The following TRERF1 variants were observed in gnomAD, a reference collection of about 807,000 sequenced individuals.
TRERF1 encodes the protein transcriptional regulating factor 1, also known as transcriptional-regulating factor 1.
TRERF1 carries 27 observed loss-of-function variants against 122.9 expected under a neutral mutation model. The ratio of observed to expected loss-of-function variants is 0.22; its 90% CI spans 0.16 to 0.30. TRERF1 has a LOEUF of 0.30. Ranked by LOEUF, TRERF1 falls within the 10% of genes least tolerant of loss-of-function variation. The probability of loss-of-function intolerance (pLI) is 1.00; values close to 1 mark genes in which losing one functional copy is unlikely to be tolerated. For synonymous variants in TRERF1, 636 were observed against 641.7 expected (o/e 0.99, Z 0.13); for missense variants, 1,248 against 1,560.3 (o/e 0.80, Z 3.37).
At chr6:42,337,196 G>A (rs56405937) in intron 3 of TRERF1, among the ~76,000 whole-genome samples, 5,611 of 152,230 alleles carry the variant, frequency 0.037, 264 homozygotes, top group East Asian at 0.19. Flanking sequence ...GTCAGGGAAG[G>A]ACAATGGGTA....
intron 2 of TRERF1, among the ~76,000 whole-genome samples, chr6:42,387,794 T>TTTTTATTTTATTTTA (rs539342079): frequency 4.6e-4 from 69 of 151,170 alleles, no homozygotes; most frequent in South Asian, 6.3e-4. Context: ...GATGCTACCT[T>TTTTTATTTTATTTTA]TTTTATTTTA....
intron 4 of TRERF1, among the ~76,000 whole-genome samples, chr6:42,300,354 T>A (rs923621499): frequency 6.6e-6 from 1 of 152,156 alleles, no homozygotes; most frequent in Non-Finnish European, 1.5e-5. Flanking sequence ...GGATACCCCA[T>A]CCTGTAAGAC....
At chr6:42,390,205 C>A (rs1278096225) in intron 2 of TRERF1, among the ~76,000 whole-genome samples, 1 of 152,168 alleles carries the variant, frequency 6.6e-6, no homozygotes, top group Non-Finnish European at 1.5e-5. Context: ...ACAAGAGGCA[C>A]AATTTAAATA....
chr6:42,445,130 G>A (rs985205184), intron 2 of TRERF1, among the ~76,000 whole-genome samples: 4 of 152,084 alleles, frequency 2.6e-5, no homozygotes, highest in Admixed American at 2.0e-4. Context: ...CCAGCCAGGC[G>A]TGGTGACACA....
intron 4 of TRERF1, among the ~76,000 whole-genome samples, chr6:42,277,995 G>T (rs573469069): frequency 2.0e-5 from 3 of 150,990 alleles, no homozygotes; most frequent in African/African-American, 7.3e-5. Context: ...GAAGACAGGA[G>T]CCCTGGGCTT....
chr6:42,351,084 AC>A (rs1769351101), intron 3 of TRERF1, among the ~76,000 whole-genome samples: 2 of 152,216 alleles, frequency 1.3e-5, no homozygotes, highest in Admixed American at 1.3e-4. Context: ...GCAAACTGAA[AC>A]AACACGATAC....
At chr6:42,322,082 C>G (rs1489146066) in intron 3 of TRERF1, among the ~76,000 whole-genome samples, 1 of 152,158 alleles carries the variant, frequency 6.6e-6, no homozygotes, top group African/African-American at 2.4e-5. Flanking sequence ...AACGCAAATA[C>G]TGCCATTTTA....
At chr6:42,226,808 G>C (rs537424256) in exon 18 of TRERF1, 2 of 152,388 alleles carry the variant, frequency 1.3e-5, no homozygotes, top group African/African-American at 4.8e-5. Context: ...TGTCAGCAAA[G>C]TGGCCCAGCG....
intron 4 of TRERF1, among the ~76,000 whole-genome samples, chr6:42,281,137 G>T (rs976016889): frequency 6.6e-6 from 1 of 152,108 alleles, no homozygotes; most frequent in Non-Finnish European, 1.5e-5. Context: ...AAACCTGTCT[G>T]GACTTGCTCA....
intron 3 of TRERF1, among the ~76,000 whole-genome samples, chr6:42,345,961 T>C (rs1768194750): frequency 1.3e-5 from 2 of 152,226 alleles, no homozygotes; most frequent in Non-Finnish European, 2.9e-5. Context: ...GGGCAGGTGC[T>C]ATGAGGTGGA....
intron 16 of TRERF1, among the ~76,000 whole-genome samples, chr6:42,235,057 T>C (rs1562109532): frequency 6.6e-6 from 1 of 152,158 alleles, no homozygotes; most frequent in Non-Finnish European, 1.5e-5. Context: ...CTCTTCAAAG[T>C]GAATGCAAAA....
chr6:42,273,323 A>G (rs772369986), intron 4 of TRERF1, among the ~76,000 whole-genome samples: 1 of 152,188 alleles, frequency 6.6e-6, no homozygotes, highest in Non-Finnish European at 1.5e-5. Context: ...CATAATGCCC[A>G]GCACACTGTA....
At chr6:42,433,647 C>A (rs926957146) in intron 2 of TRERF1, among the ~76,000 whole-genome samples, 1 of 152,034 alleles carries the variant, frequency 6.6e-6, no homozygotes, top group Non-Finnish European at 1.5e-5. Context: ...GAAATAGGAC[C>A]AAACCAACAA....
intron 2 of TRERF1, among the ~76,000 whole-genome samples, chr6:42,440,543 C>T (rs577180751): frequency 1.6e-4 from 25 of 152,238 alleles, no homozygotes; most frequent in African/African-American, 5.3e-4. Context: ...ACTACTAAAG[C>T]GATCTGGAGC....
intron 4 of TRERF1, among the ~76,000 whole-genome samples, chr6:42,294,655 C>G (rs1784808334): frequency 1.3e-5 from 2 of 152,112 alleles, no homozygotes; most frequent in East Asian, 3.9e-4. Context: ...GCTCTTTAAG[C>G]ACAGGAGCTC....
intron 2 of TRERF1, among the ~76,000 whole-genome samples, chr6:42,405,804 A>AT (rs1442654726): frequency 2.0e-5 from 3 of 150,358 alleles, no homozygotes; most frequent in African/African-American, 4.9e-5. Flanking sequence ...CAAAAAAAAA[A>AT]AAATTAAAAA....
chr6:42,231,381 A>G (rs913823816), intron 17 of TRERF1, among the ~76,000 whole-genome samples: 2 of 152,218 alleles, frequency 1.3e-5, no homozygotes, highest in Admixed American at 1.3e-4. Context: ...ACAGACTAAA[A>G]CATGTAAAGA....
chr6:42,377,024 A>T (rs1775009838), intron 2 of TRERF1, among the ~76,000 whole-genome samples: 1 of 149,908 alleles, frequency 6.7e-6, no homozygotes, highest in African/African-American at 2.5e-5. Context: ...AGCCACCATG[A>T]CCGGCTAATT....
At chr6:42,416,681 C>T (rs534257730) in intron 2 of TRERF1, among the ~76,000 whole-genome samples, 2 of 152,240 alleles carry the variant, frequency 1.3e-5, no homozygotes, top group East Asian at 1.9e-4. Flanking sequence ...TTTTGTTACA[C>T]TAGCTTCATA....
Sources: allele counts gnomAD v4.1 joint callset (sites outside exome capture counted in the v4.1 genomes callset), GRCh38; gene constraint gnomAD v4.1.1; transcripts MANE v1.5; gene names NCBI Gene and HGNC (gene_info 2026-07-23, HGNC 2026-07-21).